AKAP6: variants seen among roughly 807,000 people sequenced by gnomAD.
AKAP6 encodes A-kinase anchor protein 6.
AKAP6 carries 58 observed loss-of-function variants against 188.5 expected under a neutral mutation model. The ratio of observed to expected loss-of-function variants is 0.31; its 90% confidence interval spans 0.25 to 0.38. The LOEUF is 0.38. AKAP6 is among the 10% of genes least tolerant of loss of function. The probability of loss-of-function intolerance (pLI) is 1.00; values close to 1 mark genes in which losing one functional copy is unlikely to be tolerated. For synonymous variants in AKAP6, 989 were observed against 998.6 expected (o/e 0.99, Z 0.18); for missense variants, 2,710 against 2,740.0 (o/e 0.99, Z 0.24).
intron 1 of AKAP6, among the ~76,000 whole-genome samples, chr14:32,414,472 C>G (rs1168382093): frequency 3.3e-5 from 5 of 152,004 alleles, no homozygotes; most frequent in Non-Finnish European, 5.9e-5. Context: ...ATTACATGAC[C>G]CATGTTTCAG....
At chr14:32,734,040 A>C (rs1002206463) in intron 10 of AKAP6, 1 of 152,166 alleles carries the variant, frequency 6.6e-6, no homozygotes, top group African/African-American at 2.4e-5. Flanking sequence ...AAAAGAAATA[A>C]TATTTAGCTA....
intron 2 of AKAP6, among the ~76,000 whole-genome samples, chr14:32,444,614 G>A (rs758841544): frequency 2.6e-4 from 40 of 152,146 alleles, no homozygotes; most frequent in Admixed American, 4.6e-4. Flanking sequence ...GAAGGAATAT[G>A]TGAAATTCAA....
chr14:32,788,563 G>A (rs997552558), intron 12 of AKAP6, among the ~76,000 whole-genome samples: 1 of 152,136 alleles, frequency 6.6e-6, no homozygotes, highest in African/African-American at 2.4e-5. Flanking sequence ...GGCACGGAGC[G>A]AAAGGAACCC....
At chr14:32,682,675 T>C (rs189467741) in intron 8 of AKAP6, among the ~76,000 whole-genome samples, 2 of 152,114 alleles carry the variant, frequency 1.3e-5, no homozygotes, top group African/African-American at 2.4e-5. Flanking sequence ...TTAACCGAGA[T>C]AGTGCATCAG....
intron 1 of AKAP6, among the ~76,000 whole-genome samples, chr14:32,402,729 AT>A (rs56811727): frequency 0.17 from 24,356 of 144,402 alleles, 2,629 homozygotes; most frequent in East Asian, 0.31. Context: ...TGGTTGGTTG[AT>A]TTTTTTTTTT....
Position 32,732,498 on chromosome 14 carries a change from G to A in AKAP6, c.3045G>A (p.Glu1015=). The A allele has an allele frequency of 6.2e-7, 1 of 1,613,440 alleles. No individual in the cohort carries two copies. Among genetic ancestry groups the A allele is most frequent in the Non-Finnish European group, 8.5e-7 (1 of 1,179,590 alleles). The change falls in exon 10 of 14, where the codon GAG becomes GAA. Residue 1015 remains glutamate, a synonymous_variant. Coordinates refer to ENST00000280979, the MANE Select transcript of AKAP6 (RefSeq NM_004274.5). The part of the protein sequence containing the change: ...EMSIRHLKKT[E]LLSKVEALKK... ...CCATCAGACACCTGAAAAAGACGGA[G>A]CTGCTTAGTAAGGTTGAAGCTTTGA...
At position 32,773,696 on chromosome 14, in the gene AKAP6, A is replaced by G. The variant is rs1343277614; in HGVS notation, c.3391A>G (p.Lys1131Glu). Reference sequence around the variant, plus strand: ...GTTGCAGTCCCTCTGTCGTGAAATCAAGCAACGACGTCGAGGAGTTGCCTC... The same window carrying G: ...GTTGCAGTCCCTCTGTCGTGAAATCGAGCAACGACGTCGAGGAGTTGCCTC... ...QYFKSLCREI[K>E]QRRRGVASIL... The change falls in exon 12 of 14, where the codon AAG (lysine) becomes GAG (glutamate). Residue 1131 changes from lysine to glutamate, a missense_variant. Lys to Glu is a moderately conservative substitution (Grantham distance 56). Around this residue, in one of 2 missense-constraint regions of AKAP6, gnomAD observed 2,473 missense variants for 2,426.1 expected, o/e 1.02. Coordinates refer to ENST00000280979, the MANE Select transcript of AKAP6 (RefSeq NM_004274.5). 2 of 1,613,892 alleles carry G rather than the reference A, an allele frequency of 1.2e-6. No homozygotes were observed. The highest frequency in any genetic ancestry group is 2.2e-5 in the East Asian group (1 of 44,892).
chr14:32,555,081 C>G, intron 4 of AKAP6, among the ~76,000 whole-genome samples: 1 of 152,210 alleles, frequency 6.6e-6, no homozygotes, highest in East Asian at 1.9e-4. Flanking sequence ...TCTAATTTAA[C>G]AAACTTCTTC....
intron 7 of AKAP6, among the ~76,000 whole-genome samples, chr14:32,603,883 CA>C (rs1886031910): frequency 6.6e-6 from 1 of 151,548 alleles, no homozygotes; most frequent in Non-Finnish European, 1.5e-5. Flanking sequence ...TTGAATTTTC[CA>C]AACCTCTCAA....
intron 7 of AKAP6, among the ~76,000 whole-genome samples, chr14:32,623,859 G>A (rs1180123394): frequency 1.3e-5 from 2 of 152,110 alleles, no homozygotes; most frequent in Non-Finnish European, 2.9e-5. Context: ...TCCACTGTCT[G>A]TCTGCATCTG....
chr14:32,516,184 G>T (rs1481805479), intron 2 of AKAP6, among the ~76,000 whole-genome samples: 1 of 152,192 alleles, frequency 6.6e-6, no homozygotes, highest in African/African-American at 2.4e-5. Context: ...GTGATGATCT[G>T]CAAAGACTAG....
chr14:32,502,463 T>C (rs1187288043), intron 2 of AKAP6, among the ~76,000 whole-genome samples: 1 of 152,144 alleles, frequency 6.6e-6, no homozygotes, highest in Non-Finnish European at 1.5e-5. Context: ...GTCTGTCTTA[T>C]ATTTGTGAAT....
intron 1 of AKAP6, among the ~76,000 whole-genome samples, chr14:32,361,516 G>A (rs10151983): frequency 0.37 from 55,540 of 151,522 alleles, 11,193 homozygotes; most frequent in African/African-American, 0.55. Context: ...GTGAATCAGG[G>A]GAACATTAAA....
chr14:32,629,871 G>A (rs930323051), intron 7 of AKAP6, among the ~76,000 whole-genome samples: 3 of 151,304 alleles, frequency 2.0e-5, no homozygotes, highest in African/African-American at 4.9e-5. Context: ...GGCCAGGACC[G>A]GCCTGGGCAA....
intron 4 of AKAP6, among the ~76,000 whole-genome samples, chr14:32,575,991 G>C: frequency 6.6e-6 from 1 of 151,778 alleles, no homozygotes; most frequent in East Asian, 1.9e-4. Flanking sequence ...TTTTTCTCAT[G>C]ATTTTTTTTG....
At chr14:32,797,697 G>A (rs900874514) in intron 12 of AKAP6, among the ~76,000 whole-genome samples, 11 of 151,714 alleles carry the variant, frequency 7.3e-5, no homozygotes, top group African/African-American at 2.7e-4. Context: ...GTGATGGGAT[G>A]ATCTGTGCAG....
intron 1 of AKAP6, among the ~76,000 whole-genome samples, chr14:32,393,958 A>G (rs1432661098): frequency 2.6e-5 from 4 of 152,192 alleles, no homozygotes; most frequent in African/African-American, 9.6e-5. Context: ...GAAATCACAC[A>G]GCAAATTTTG....
chr14:32,540,149 TC>T (rs1882862944), intron 3 of AKAP6, among the ~76,000 whole-genome samples: 2 of 114,650 alleles, frequency 1.7e-5, no homozygotes, highest in African/African-American at 8.0e-5. Flanking sequence ...TCTCTCTCTC[TC>T]TCTCTCTCTC....
chr14:32,338,918 C>G (rs1245935007), intron 1 of AKAP6, among the ~76,000 whole-genome samples: 1 of 152,110 alleles, frequency 6.6e-6, no homozygotes, highest in East Asian at 1.9e-4. Context: ...CTCCTCAACT[C>G]CAGCCCTGAA....
Sources: gnomAD v4.1 joint callset for allele counts (sites outside exome capture counted in the v4.1 genomes callset) on GRCh38, gnomAD v4.1.1 for gene constraint, gnomAD v4.1.1 regional missense constraint, MANE v1.5 for transcripts, NCBI Gene and HGNC (gene_info 2026-07-23, HGNC 2026-07-21) for gene names.